Variants in KIF13B observed in about 807,000 individuals in gnomAD.
KIF13B encodes the protein kinesin family member 13B.
A neutral mutation model predicts 222.0 loss-of-function variants in KIF13B; 127 were observed. That is an observed-to-expected ratio of 0.57 (90% CI 0.50 to 0.66). The LOEUF (loss-of-function observed/expected upper bound fraction) is 0.66, where lower values mean the gene tolerates loss of function less well. Ranked by LOEUF, KIF13B falls within the 30% of genes least tolerant of loss-of-function variation. The pLI is 0.00. For synonymous variants in KIF13B, 976 were observed against 919.0 expected (o/e 1.06, Z -1.12); for missense variants, 2,173 against 2,379.0 (o/e 0.91, Z 1.80).
At chr8:29,104,605 G>C (rs1275836351) in intron 35 of KIF13B, among the ~76,000 whole-genome samples, 1 of 152,118 alleles carries the variant, frequency 6.6e-6, no homozygotes, top group African/African-American at 2.4e-5. Context: ...TTCACATGTG[G>C]TCATATTACT....
chr8:29,134,006 C>A, intron 22 of KIF13B, 34 bp downstream of exon 22: 1 of 1,592,548 alleles, frequency 6.3e-7, no homozygotes, highest in Non-Finnish European at 8.6e-7. Context: ...CATGAGTAAT[C>A]TAAATGCTGA....
intron 30 of KIF13B, 50 bp from the exon 31 acceptor site, chr8:29,117,057 GA>G: frequency 1.3e-6 from 2 of 1,493,212 alleles, no homozygotes; most frequent in Non-Finnish European, 1.8e-6. Flanking sequence ...CCAGAAACAT[GA>G]AAACTCTTTC....
intron 37 of KIF13B, among the ~76,000 whole-genome samples, chr8:29,088,532 G>A (rs1808148336): frequency 6.6e-6 from 1 of 152,210 alleles, no homozygotes; most frequent in Admixed American, 6.5e-5. Context: ...AGGGGGAGTA[G>A]AGATTGTTTT....
chr8:29,191,415 A>G (rs1190458740), intron 3 of KIF13B, among the ~76,000 whole-genome samples: 1 of 152,218 alleles, frequency 6.6e-6, no homozygotes. Flanking sequence ...AAAGAAAAAG[A>G]TATTTTTTAA....
chr8:29,251,346 G>A (rs186522008), intron 1 of KIF13B, among the ~76,000 whole-genome samples: 25 of 152,280 alleles, frequency 1.6e-4, no homozygotes, highest in African/African-American at 4.6e-4. Flanking sequence ...AAGTGTACCC[G>A]TGTTCACAGC....
At chr8:29,075,156 T>C (rs1436353370) in intron 38 of KIF13B, 125 bp downstream of exon 38, 9 of 750,916 alleles carry the variant, frequency 1.2e-5, no homozygotes, top group Non-Finnish European at 1.9e-5. Flanking sequence ...GTGACCTATA[T>C]TATAACTAAT....
intron 2 of KIF13B, among the ~76,000 whole-genome samples, chr8:29,204,694 G>T (rs573239435): frequency 2.6e-5 from 4 of 151,698 alleles, no homozygotes; most frequent in African/African-American, 7.3e-5. Flanking sequence ...TAACTTCAAG[G>T]TATTCTATAT....
chr8:29,144,414 C>A (rs777379167), intron 18 of KIF13B, among the ~76,000 whole-genome samples: 11 of 152,026 alleles, frequency 7.2e-5, no homozygotes, highest in African/African-American at 1.5e-4. Flanking sequence ...CCTGCCACCA[C>A]GCCTGGCTGA....
chr8:29,138,308 C>A (rs943309523), intron 21 of KIF13B, among the ~76,000 whole-genome samples: 5 of 152,046 alleles, frequency 3.3e-5, no homozygotes, highest in Admixed American at 2.0e-4. Context: ...GTACTCCAGC[C>A]TGGGTGACAG....
chr8:29,130,529 T>C lies in KIF13B; in HGVS notation c.3075+4A>G. The C allele has an allele frequency of 1.2e-6, 2 of 1,613,726 alleles. No individual in the cohort carries two copies. The highest frequency in any genetic ancestry group is 1.7e-6 in the Non-Finnish European group (2 of 1,179,678). The stretch of plus-strand genomic sequence containing the variant: ...TCTAATGTAAACATTCACAATCTTG[T>C]TACCTGCCGGAGCTGGAAGATTCCT... On this transcript the variant is annotated splice_donor_region_variant and intron_variant, in intron 24 of 39. Transcript: ENST00000524189.
chr8:29,230,344 C>T (rs1459822852), intron 2 of KIF13B, among the ~76,000 whole-genome samples: 3 of 152,182 alleles, frequency 2.0e-5, no homozygotes, highest in East Asian at 1.9e-4. Flanking sequence ...CTACTGCTTA[C>T]GGGGTTGATC....
chr8:29,252,379 T>C (rs1184567881), intron 1 of KIF13B, among the ~76,000 whole-genome samples: 1 of 152,230 alleles, frequency 6.6e-6, no homozygotes, highest in Non-Finnish European at 1.5e-5. Context: ...GGGAAATGCA[T>C]CATTCTCAGT....
At chr8:29,086,852 T>G (rs1808067463) in intron 37 of KIF13B, among the ~76,000 whole-genome samples, 1 of 152,256 alleles carries the variant, frequency 6.6e-6, no homozygotes, top group African/African-American at 2.4e-5. Context: ...CTGATACTGC[T>G]TATTTTACAA....
chr8:29,180,388 A>G (rs1812662519), intron 7 of KIF13B, 150 bp from the exon 8 acceptor site: 2 of 788,764 alleles, frequency 2.5e-6, no homozygotes, highest in East Asian at 4.9e-5. Flanking sequence ...ATTGAGCCCC[A>G]TGGAGTACAA....
chr8:29,126,560 G>A (rs774405874), intron 25 of KIF13B, 49 bp from the exon 26 acceptor site: 3 of 1,114,396 alleles, frequency 2.7e-6, no homozygotes, highest in Non-Finnish European at 4.0e-6. Flanking sequence ...ATTTATCCAA[G>A]AATCAGGCTA....
chr8:29,068,843 T>G lies in KIF13B; in HGVS notation c.*1661A>C, dbSNP rs949058720. ...GCAAGGCAGAGGTGACAGCTCTTCA[T>G]CCAGGGACAGGTGCCACAGGGTTCC... On this transcript the variant is annotated 3_prime_UTR_variant, in exon 40 of 40. Transcript: ENST00000524189. This position sits in a 1 kb window ranked among gnomAD's most constrained non-coding sequence, Gnocchi z 4.4. 3.3e-5 allele frequency: 5 copies of G among 152,278 alleles called. No homozygotes were observed. The highest frequency in any genetic ancestry group is 9.7e-5 in the African/African-American group (4 of 41,422). The allele number at this position is 152,278 out of a possible 1,614,324, so 9.4% of individuals were successfully genotyped here.
At chr8:29,193,177 G>T (rs79327118) in intron 3 of KIF13B, among the ~76,000 whole-genome samples, 7 of 152,170 alleles carry the variant, frequency 4.6e-5, no homozygotes, top group African/African-American at 1.7e-4. Flanking sequence ...GACCCCCAGC[G>T]GCTGACAGCC....
chr8:29,249,687 T>A (rs776891569), intron 1 of KIF13B, among the ~76,000 whole-genome samples: 4 of 152,204 alleles, frequency 2.6e-5, no homozygotes, highest in Non-Finnish European at 5.9e-5. Flanking sequence ...TCACATCAGT[T>A]ATTTTACATT....
intron 2 of KIF13B, among the ~76,000 whole-genome samples, chr8:29,207,316 C>T (rs1325530115): frequency 6.6e-6 from 1 of 152,158 alleles, no homozygotes. Context: ...CCTACTTCTC[C>T]TTCAAAACAA....
Sources: allele counts gnomAD v4.1 joint callset (sites outside exome capture counted in the v4.1 genomes callset), GRCh38; gene constraint gnomAD v4.1.1; non-coding constraint Gnocchi (gnomAD v3.1); transcripts MANE v1.5; gene names NCBI Gene and HGNC (gene_info 2026-07-23, HGNC 2026-07-21).